The following SNCAIP variants were observed in gnomAD, a reference collection of about 807,000 sequenced individuals.
SNCAIP encodes synphilin-1.
A neutral mutation model predicts 86.7 loss-of-function variants in SNCAIP; 43 were observed. The ratio of observed to expected loss-of-function variants is 0.50; its 90% CI spans 0.39 to 0.64. The LOEUF is 0.64. Ranked by LOEUF, SNCAIP falls within the 30% of genes least tolerant of loss-of-function variation. The pLI, the probability that SNCAIP is intolerant of heterozygous loss-of-function variation, is 0.00. For synonymous variants in SNCAIP, 417 were observed against 427.2 expected (o/e 0.98, Z 0.29); for missense variants, 981 against 1,103.1 (o/e 0.89, Z 1.57).
intron 6 of SNCAIP, among the ~76,000 whole-genome samples, chr5:122,438,307 C>G (rs1779997208): frequency 6.6e-6 from 1 of 152,098 alleles, no homozygotes; most frequent in Non-Finnish European, 1.5e-5. Context: ...TCCTCACGTC[C>G]CAAAGATGTG....
At chr5:122,364,506 A>T (rs910583436) in intron 1 of SNCAIP, among the ~76,000 whole-genome samples, 9 of 152,234 alleles carry the variant, frequency 5.9e-5, no homozygotes, top group Non-Finnish European at 1.2e-4. Context: ...TTTGACATAG[A>T]TGGAAGACTT....
At chr5:122,337,954 T>C (rs1334414671) in intron 1 of SNCAIP, among the ~76,000 whole-genome samples, 1 of 152,238 alleles carries the variant, frequency 6.6e-6, no homozygotes, top group African/African-American at 2.4e-5. Flanking sequence ...TTAAGACATT[T>C]ATCAGATATT....
intron 1 of SNCAIP, among the ~76,000 whole-genome samples, chr5:122,327,357 A>G (rs976452870): frequency 1.3e-5 from 2 of 152,160 alleles, no homozygotes; most frequent in South Asian, 2.1e-4. Flanking sequence ...TTGCAGATGG[A>G]GGACACATTA....
chr5:122,388,444 G>T (rs1009077858), intron 1 of SNCAIP: 1 of 152,354 alleles, frequency 6.6e-6, no homozygotes, highest in African/African-American at 2.4e-5. Flanking sequence ...AGTGGGAGGT[G>T]TCAGAAGAGC....
At chr5:122,397,796 A>G (rs1298860465) in intron 2 of SNCAIP, among the ~76,000 whole-genome samples, 1 of 152,186 alleles carries the variant, frequency 6.6e-6, no homozygotes, top group African/African-American at 2.4e-5. Context: ...GTGCAGAAGT[A>G]TATTCCATGT....
chr5:122,424,824 G>A (rs1024116585), intron 4 of SNCAIP, among the ~76,000 whole-genome samples: 4 of 152,170 alleles, frequency 2.6e-5, no homozygotes, highest in African/African-American at 7.2e-5. Flanking sequence ...AAGCCATGTA[G>A]CCTCCAGATA....
In SNCAIP at chr5:122,431,959, T is replaced by C; in HGVS notation, c.1183-10T>C. ...TGAATTTCCATCTCCCTTTCTTTTT[T>C]AAAACCTAGAATGGTCAGTTGGAGT... On this transcript the variant is annotated splice_polypyrimidine_tract_variant and intron_variant, in intron 5 of 10. Coordinates refer to ENST00000261368, the MANE Select transcript of SNCAIP (RefSeq NM_005460.4). The C allele has an allele frequency of 3.5e-6, 5 of 1,411,808 alleles. No homozygotes were observed. Among genetic ancestry groups the C allele is most frequent in the Non-Finnish European group, 5.0e-6 (5 of 996,088 alleles). The allele number at this position is 1,411,808 out of a possible 1,614,324, so 87.5% of individuals were successfully genotyped here.
intron 3 of SNCAIP, among the ~76,000 whole-genome samples, chr5:122,411,057 C>T (rs922073351): frequency 3.3e-5 from 5 of 152,142 alleles, no homozygotes. Context: ...AGTCTTCTCT[C>T]CTGTGTTTTG....
At chr5:122,410,066 C>A (rs1773804843) in intron 3 of SNCAIP, among the ~76,000 whole-genome samples, 1 of 152,090 alleles carries the variant, frequency 6.6e-6, no homozygotes, top group Admixed American at 6.6e-5. Context: ...GTTTCTTTAA[C>A]TAGAGTAAAA....
At chr5:122,449,376 A>G (rs988322648) in intron 8 of SNCAIP, among the ~76,000 whole-genome samples, 1 of 152,326 alleles carries the variant, frequency 6.6e-6, no homozygotes, top group Non-Finnish European at 1.5e-5. Flanking sequence ...AAGTTATAGT[A>G]AGTCAGAGAT....
At chr5:122,419,702 A>G (rs947164375) in intron 3 of SNCAIP, among the ~76,000 whole-genome samples, 4 of 152,210 alleles carry the variant, frequency 2.6e-5, no homozygotes, top group Admixed American at 6.5e-5. Context: ...ACATGTAAAG[A>G]ATTTATTCAT....
At chr5:122,371,456 G>T (rs1241132041) in intron 1 of SNCAIP, 1 of 152,094 alleles carries the variant, frequency 6.6e-6, no homozygotes, top group African/African-American at 2.4e-5. Flanking sequence ...AGGTCTTTAT[G>T]AGGTACAGAG....
intron 1 of SNCAIP, among the ~76,000 whole-genome samples, chr5:122,332,197 A>G (rs1755500009): frequency 6.6e-6 from 1 of 152,252 alleles, no homozygotes; most frequent in African/African-American, 2.4e-5. Context: ...TGTATTTGAT[A>G]TCATAATGAT....
chr5:122,374,277 T>A (rs1764837300), intron 1 of SNCAIP, among the ~76,000 whole-genome samples: 1 of 152,164 alleles, frequency 6.6e-6, no homozygotes, highest in Admixed American at 6.5e-5. Flanking sequence ...TTTCTCACTT[T>A]ATCTTAGTCT....
At chr5:122,422,785 G>A (rs1581153927) in intron 3 of SNCAIP, 83 bp from the exon 4 acceptor site, 3 of 1,144,018 alleles carry the variant, frequency 2.6e-6, no homozygotes, top group East Asian at 2.4e-5. Context: ...AACATAATGT[G>A]AATGAACCAC....
chr5:122,385,470 C>G (rs1264853248), intron 1 of SNCAIP, among the ~76,000 whole-genome samples: 1 of 152,178 alleles, frequency 6.6e-6, no homozygotes, highest in East Asian at 1.9e-4. Context: ...GAAACCAAAT[C>G]CAACATTTGG....
intron 10 of SNCAIP, 140 bp downstream of exon 10, chr5:122,451,741 C>T (rs1678137782): frequency 3.1e-6 from 2 of 648,162 alleles, no homozygotes; most frequent in South Asian, 3.8e-5. Context: ...GGAAAGCCAA[C>T]TTCATGTGTC....
chr5:122,424,901 C>G (rs962474376), intron 4 of SNCAIP, among the ~76,000 whole-genome samples: 1 of 152,210 alleles, frequency 6.6e-6, no homozygotes, highest in Non-Finnish European at 1.5e-5. Flanking sequence ...CAGCAGTCAT[C>G]ATGTTGTTTG....
chr5:122,461,195 TG>T (rs972801956), intron 10 of SNCAIP, among the ~76,000 whole-genome samples: 2 of 152,224 alleles, frequency 1.3e-5, no homozygotes, highest in African/African-American at 4.8e-5. Flanking sequence ...CATTTTCTTT[TG>T]CTTCTAATGT....
Sources: allele counts gnomAD v4.1 joint callset (sites outside exome capture counted in the v4.1 genomes callset), GRCh38; gene constraint gnomAD v4.1.1; transcripts MANE v1.5; gene names NCBI Gene and HGNC (gene_info 2026-07-23, HGNC 2026-07-21).